TMEM260: variants seen among roughly 807,000 people sequenced by gnomAD.
The protein encoded by TMEM260 is transmembrane protein 260, also known as protein O-mannosyl-transferase TMEM260.
Under a neutral mutation model 88.9 loss-of-function variants are expected in TMEM260, and 82 were observed. The ratio of observed to expected loss-of-function variants is 0.92; its 90% CI spans 0.77 to 1.11. The LOEUF (loss-of-function observed/expected upper bound fraction) is 1.11, where lower values mean the gene tolerates loss of function less well. Among genes scored for constraint, TMEM260 ranks in the 50% least tolerant of loss-of-function variants. TMEM260 has a pLI of 0.00. For synonymous variants in TMEM260, 314 were observed against 309.3 expected (o/e 1.02, Z -0.16); for missense variants, 902 against 853.4 (o/e 1.06, Z -0.71).
intron 3 of TMEM260, among the ~76,000 whole-genome samples, chr14:56,587,542 T>G (rs1425797749): frequency 6.6e-6 from 1 of 152,030 alleles, no homozygotes; most frequent in Non-Finnish European, 1.5e-5. Context: ...TGTAACGCTT[T>G]TCTTTTAATA....
At chr14:56,660,491 C>T in the TMEM260 span, among the ~76,000 whole-genome samples, 3 of 152,122 alleles carry the variant, frequency 2.0e-5, no homozygotes, top group South Asian at 2.1e-4. Context: ...AGCATGTCAA[C>T]GTCTCAAGAG....
intron 1 of TMEM260, among the ~76,000 whole-genome samples, chr14:56,584,572 G>A (rs1015611340): frequency 1.3e-5 from 2 of 152,068 alleles, no homozygotes; most frequent in Non-Finnish European, 2.9e-5. Flanking sequence ...AGGGTAGTAT[G>A]GGACATTTTA....
chr14:56,660,463 C>A, the TMEM260 span, among the ~76,000 whole-genome samples: 9 of 152,110 alleles, frequency 5.9e-5, no homozygotes, highest in African/African-American at 1.7e-4. Context: ...GGCTTAAGGG[C>A]AGGATAAAAT....
chr14:56,589,408 C>G (rs1885713268), intron 3 of TMEM260, among the ~76,000 whole-genome samples: 1 of 151,978 alleles, frequency 6.6e-6, no homozygotes. Flanking sequence ...AAGTAAAGCT[C>G]TTATTTTTTA....
chr14:56,634,990 T>A (rs1297782216), intron 14 of TMEM260, 38 bp downstream of exon 14: 9 of 1,582,172 alleles, frequency 5.7e-6, no homozygotes, highest in Non-Finnish European at 6.9e-6. Context: ...AGTCTATTTT[T>A]AATATGGCAG....
intron 15 of TMEM260, among the ~76,000 whole-genome samples, chr14:56,636,894 A>G (rs1053075201): frequency 9.2e-5 from 14 of 152,230 alleles, no homozygotes; most frequent in Non-Finnish European, 1.9e-4. Flanking sequence ...GGATTAAGTT[A>G]GGTGTCTTGA....
chr14:56,584,193 A>G (rs541676174), intron 1 of TMEM260, among the ~76,000 whole-genome samples: 24 of 152,296 alleles, frequency 1.6e-4, no homozygotes, highest in East Asian at 5.8e-4. Context: ...ATTGCTATCT[A>G]TGAAAGGATA....
chr14:56,649,756 G>A (rs953163428), downstream of TMEM260, among the ~76,000 whole-genome samples: 15 of 152,200 alleles, frequency 9.9e-5, no homozygotes, highest in African/African-American at 3.6e-4. Flanking sequence ...GTACTATAGA[G>A]ATATGTGTAT....
intron 15 of TMEM260, among the ~76,000 whole-genome samples, chr14:56,640,785 T>G (rs1300187924): frequency 6.6e-6 from 1 of 151,962 alleles, no homozygotes; most frequent in Non-Finnish European, 1.5e-5. Flanking sequence ...GAATAACCAA[T>G]GCAGAGAAGT....
At chr14:56,644,009 A>T (rs1019457300) in intron 15 of TMEM260, among the ~76,000 whole-genome samples, 1 of 152,154 alleles carries the variant, frequency 6.6e-6, no homozygotes, top group African/African-American at 2.4e-5. Flanking sequence ...ATAAAAGAGG[A>T]TACAAACAAA....
intron 13 of TMEM260, 34 bp from the exon 14 acceptor site, chr14:56,634,865 A>G (rs757410726): frequency 1.0e-5 from 16 of 1,569,234 alleles, no homozygotes; most frequent in Middle Eastern, 1.7e-4. Flanking sequence ...AAAGTGGGTG[A>G]CAGAAAGATA....
chr14:56,612,439 G>T, intron 7 of TMEM260, 154 bp downstream of exon 7: 1 of 672,484 alleles, frequency 1.5e-6, no homozygotes. Context: ...GTTTACAGTT[G>T]TCCCTCAGTA....
At chr14:56,588,222 A>G (rs771903201) in intron 3 of TMEM260, among the ~76,000 whole-genome samples, 6 of 152,036 alleles carry the variant, frequency 3.9e-5, no homozygotes, top group East Asian at 3.9e-4. Context: ...TTAAGAGACC[A>G]TTACTGTACA....
At chr14:56,636,122 A>G (rs1889043254) in intron 14 of TMEM260, among the ~76,000 whole-genome samples, 1 of 152,166 alleles carries the variant, frequency 6.6e-6, no homozygotes, top group Admixed American at 6.5e-5. Context: ...GGGTCTGGCC[A>G]CCTTGGAAGA....
At chr14:56,630,240 G>A (rs768107857) in intron 12 of TMEM260, among the ~76,000 whole-genome samples, 38 of 151,956 alleles carry the variant, frequency 2.5e-4, no homozygotes, top group Non-Finnish European at 4.3e-4. Flanking sequence ...ATTTCTTTGC[G>A]TTAACTTGTT....
chr14:56,644,332 G>C lies in TMEM260; in HGVS notation c.1870-2911G>C, dbSNP rs192908596. 2.9e-3 allele frequency among the ~76,000 whole-genome samples: 437 copies of C among 152,146 alleles called. 4 individuals are homozygous for C. The highest frequency in any genetic ancestry group is 0.01 in the African/African-American group (418 of 41,508). On this transcript the variant is annotated intron_variant, in intron 15 of 15. Transcript: ENST00000261556. ...TATAGACCAATGGAACAGAACAGAG[G>C]TCTCAGAAATAATGCCACATATCTA...
In TMEM260 at chr14:56,580,046, G is replaced by T. The variant is rs1417758712; in HGVS notation, c.132G>T (p.Leu44=). The part of the protein sequence containing the change: ...AAVAAVFTFT[L]PPSVPGGDSG... ...TGGCCGCAGTGTTCACCTTCACCCT[G>T]CCCCCTTCGGTACCGGGGGGAGACT... The change falls in exon 1 of 16, where the codon CTG becomes CTT. Residue 44 remains leucine (L), a synonymous_variant. Transcript: ENST00000261556. The T allele has an allele frequency of 1.6e-6, 2 of 1,251,722 alleles. No homozygotes were observed. Among genetic ancestry groups the T allele is most frequent in the Non-Finnish European group, 2.0e-6 (2 of 990,368 alleles). 77.5% of individuals were successfully genotyped at this position (1,251,722 alleles called of 1,614,324 possible). A position where few individuals can be genotyped will look rare whatever the true frequency, so the allele number is the denominator to read the frequency against.
At chr14:56,638,260 A>G (rs893475699) in intron 15 of TMEM260, 2 of 150,832 alleles carry the variant, frequency 1.3e-5, no homozygotes, top group African/African-American at 4.9e-5. Context: ...TTCTAGGCCC[A>G]CTCTGCCATT....
At chr14:56,596,190 T>C (rs12147708) in intron 3 of TMEM260, among the ~76,000 whole-genome samples, 56,283 of 151,606 alleles carry the variant, frequency 0.37, 11,775 homozygotes, top group East Asian at 0.61. Context: ...CAAATAATGG[T>C]GTAAGTAATT....
Sources: allele counts gnomAD v4.1 joint callset (sites outside exome capture counted in the v4.1 genomes callset), GRCh38; gene constraint gnomAD v4.1.1; transcripts MANE v1.5; gene names NCBI Gene and HGNC (gene_info 2026-07-23, HGNC 2026-07-21).